Variants in AKAP9 observed in about 807,000 individuals in gnomAD.
AKAP9 encodes A-kinase anchoring protein 9.
Under a neutral mutation model 488.5 loss-of-function variants are expected in AKAP9, and 311 were observed. The ratio of observed to expected loss-of-function variants is 0.64; its 90% CI spans 0.58 to 0.70. AKAP9 has a LOEUF of 0.70. Among genes scored for constraint, AKAP9 ranks in the 30% least tolerant of loss-of-function variants. AKAP9 has a pLI of 0.00. For missense variants in AKAP9, 4,215 were observed against 4,374.5 expected (o/e 0.96, Z 1.03); for synonymous variants, 1,462 against 1,483.5 (o/e 0.99, Z 0.33).
intron 35 of AKAP9, among the ~76,000 whole-genome samples, 197 bp from the exon 36 acceptor site, chr7:92,085,298 G>T (rs576169647): frequency 3.3e-5 from 5 of 152,162 alleles, no homozygotes; most frequent in Non-Finnish European, 7.3e-5. Flanking sequence ...GGAACTTAGA[G>T]ATGAGAGCTA....
At chr7:91,952,551 G>C (rs1292610346) in intron 1 of AKAP9, among the ~76,000 whole-genome samples, 1 of 152,200 alleles carries the variant, frequency 6.6e-6, no homozygotes, top group Non-Finnish European at 1.5e-5. Context: ...CTGCCCAGGT[G>C]AGAAGGGAGT....
chr7:91,942,404 G>A (rs1790879014), intron 1 of AKAP9, among the ~76,000 whole-genome samples: 1 of 152,132 alleles, frequency 6.6e-6, no homozygotes, highest in Non-Finnish European at 1.5e-5. Context: ...CTTGTATATA[G>A]CCAGGTAAAT....
chr7:91,988,150 T>C (rs1797327787), intron 3 of AKAP9, among the ~76,000 whole-genome samples: 1 of 152,090 alleles, frequency 6.6e-6, no homozygotes, highest in South Asian at 2.1e-4. Flanking sequence ...CTCATCAATT[T>C]AGTTTTTTTG....
chr7:92,103,476 G>A (rs193125791), intron 46 of AKAP9, among the ~76,000 whole-genome samples: 1,576 of 150,194 alleles, frequency 0.01, 25 homozygotes, highest in African/African-American at 0.037. Flanking sequence ...CCGGCAGATC[G>A]TGAGGTCAGG....
chr7:92,001,466 G>T lies in AKAP9; in HGVS notation c.1549G>T (p.Gly517Ter). The change falls in exon 8 of 50, where the codon GGA becomes TGA. Residue 517 changes from glycine to a stop codon, truncating the protein, a stop_gained. Transcript: ENST00000356239. LOFTEE classifies it high-confidence loss of function. ...AAAGGAAAAACTCAAGGAAGAACTA[G>T]GACTAATTTTAGAAGAAAAGTGTGC... ...SQKEKLKEEL[G>*]LILEEKCALQ... The T allele has an allele frequency of 6.2e-7, 1 of 1,613,810 alleles. No individual in the cohort carries two copies. The highest frequency in any genetic ancestry group is 1.1e-5 in the South Asian group (1 of 91,064).
rs752325153 is a variant in AKAP9, at chr7:92,031,618, T to G, written c.4338+14T>G. On this transcript the variant is annotated intron_variant, in intron 16 of 49. Transcript: ENST00000356239. The stretch of plus-strand genomic sequence containing the variant: ...GAAGTAGCTAAGGTAGGCTTATAGC[T>G]TATCTGGAAGATTATCTTGGTTTAT... 23 of 1,560,446 alleles carry G rather than the reference T, an allele frequency of 1.5e-5. No homozygotes were observed. In the African/African-American group the frequency reaches 2.4e-4, roughly 17 times the overall value.
Position 92,086,316 on chromosome 7 carries a change from G to A in AKAP9, c.9113G>A (p.Arg3038His), listed in dbSNP as rs756856124. ...LALQQVFLEE[R>H]SVLLAAFRTE... Reference sequence around the variant, plus strand: ...CTTCAACAAGTTTTCTTAGAAGAGCGTAGTGTTTTACTAGCAGCATTTCGG... The same window carrying A: ...CTTCAACAAGTTTTCTTAGAAGAGCATAGTGTTTTACTAGCAGCATTTCGG... The change falls in exon 37 of 50, where the codon CGT becomes CAT. Residue 3038 changes from arginine to histidine, a missense_variant. By Grantham distance (29) the Arg-to-His change is conservative. This residue lies in a region of AKAP9 where 1,476 missense variants were observed against 1,477.4 expected (regional missense o/e 1.00). Coordinates refer to ENST00000356239, the MANE Select transcript of AKAP9 (RefSeq NM_005751.5). The A allele has an allele frequency of 4.9e-5, 79 of 1,614,106 alleles. No individual in the cohort carries two copies. The Admixed American group carries it at 6.0e-4, about 12-fold the overall frequency.
Position 92,066,414 on chromosome 7 carries a change from C to A in AKAP9, c.6211-13C>A. ...TTTCTTCAGCTACTATCATTATTGTCATTAAACTTTAGGAGCAAGCCATTG... is the reference window on the plus strand; with the variant it reads ...TTTCTTCAGCTACTATCATTATTGTAATTAAACTTTAGGAGCAAGCCATTG... On this transcript the variant is annotated splice_polypyrimidine_tract_variant and intron_variant, in intron 25 of 49. Transcript: ENST00000356239. 1 of 1,612,296 alleles carries A rather than the reference C, an allele frequency of 6.2e-7. No individual in the cohort carries two copies. Among genetic ancestry groups the A allele is most frequent in the South Asian group, 1.1e-5 (1 of 90,964 alleles).
At chr7:91,971,970 TG>T (rs1795139397) in intron 1 of AKAP9, among the ~76,000 whole-genome samples, 1 of 143,434 alleles carries the variant, frequency 7.0e-6, no homozygotes. Flanking sequence ...GAGTCTTTTA[TG>T]TTTTGCCTCT....
intron 45 of AKAP9, 106 bp from the exon 46 acceptor site, chr7:92,102,488 T>TACCACC (rs67203467): frequency 3.7e-5 from 20 of 540,918 alleles, no homozygotes; most frequent in African/African-American, 7.1e-5. Context: ...CTACTACTAC[T>TACCACC]ACCACCACCA....
At chr7:91,974,405 G>A (rs1407817976) in intron 2 of AKAP9, among the ~76,000 whole-genome samples, 2 of 152,164 alleles carry the variant, frequency 1.3e-5, no homozygotes, top group African/African-American at 2.4e-5. Context: ...CCAATGAACT[G>A]TCAATGAATA....
chr7:92,076,950 GA>G lies in AKAP9; in HGVS notation c.6713del (p.Lys2238ArgfsTer28). 1 of 1,575,982 alleles carries G rather than the reference GA, an allele frequency of 6.3e-7. No individual in the cohort carries two copies. Among genetic ancestry groups the G allele is most frequent in the Non-Finnish European group, 8.7e-7 (1 of 1,152,674 alleles). ...AATTACATATGCAATTAGAAATACA[GA>G]AAAAGGAATCTACTACCCGCCTACA... ...QQLHMQLEIQ[K>X]KESTTRLQEL... is the part of the protein sequence containing the mutation. On this transcript the variant is annotated frameshift_variant, in exon 29 of 50. Coordinates refer to ENST00000356239, the MANE Select transcript of AKAP9 (RefSeq NM_005751.5). LOFTEE classifies it high-confidence loss of function.
intron 3 of AKAP9, among the ~76,000 whole-genome samples, chr7:91,990,268 A>G (rs1797594224): frequency 6.6e-6 from 1 of 152,134 alleles, no homozygotes; most frequent in Non-Finnish European, 1.5e-5. Flanking sequence ...TTAGAAGACT[A>G]ATGTTAGAAG....
In AKAP9 at chr7:92,001,602, A is replaced by C. The variant is rs145033147; in HGVS notation, c.1685A>C (p.His562Pro). The C allele has an allele frequency of 1.2e-6, 2 of 1,613,792 alleles. No individual in the cohort carries two copies. The highest frequency in any genetic ancestry group is 2.7e-5 in the African/African-American group (2 of 74,932). Reference sequence around the variant, plus strand: ...CAAGAAAGTAAACTTAATGAAGCACATAAGTCCCTTAGTACAGTGGAAGAT... The same window carrying C: ...CAAGAAAGTAAACTTAATGAAGCACCTAAGTCCCTTAGTACAGTGGAAGAT... ...AEQESKLNEA[H>P]KSLSTVEDLK... The change falls in exon 8 of 50, where the codon CAT becomes CCT. Residue 562 changes from histidine (H) to proline (P), a missense_variant. By Grantham distance (77) the His-to-Pro change is moderately conservative. Transcript: ENST00000356239.
At chr7:92,102,448 T>TTACTACTACTAC (rs11276778) in intron 45 of AKAP9, 146 bp from the exon 46 acceptor site, 10,136 of 594,170 alleles carry the variant, frequency 0.017, 76 homozygotes, top group East Asian at 0.054. Flanking sequence ...CGTTTTACTA[T>TTACTACTACTAC]TACTACTACT....
chr7:91,990,737 T>C (rs1049311012), intron 3 of AKAP9, among the ~76,000 whole-genome samples: 14 of 152,222 alleles, frequency 9.2e-5, no homozygotes, highest in African/African-American at 3.4e-4. Flanking sequence ...AACTGATTCA[T>C]GTAATACTGA....
intron 21 of AKAP9, 34 bp downstream of exon 21, chr7:92,045,247 T>A: frequency 6.3e-7 from 1 of 1,591,538 alleles, no homozygotes; most frequent in Non-Finnish European, 8.6e-7. Context: ...AACAATCATT[T>A]CAACAAATCT....
chr7:92,018,419 C>A (rs1282027952), intron 12 of AKAP9, among the ~76,000 whole-genome samples: 2 of 128,298 alleles, frequency 1.6e-5, no homozygotes, highest in Non-Finnish European at 3.3e-5. Context: ...CACACACACA[C>A]ACACACACAC....
intron 1 of AKAP9, among the ~76,000 whole-genome samples, chr7:91,972,729 C>T (rs1011687568): frequency 3.3e-5 from 5 of 152,026 alleles, no homozygotes; most frequent in Non-Finnish European, 5.9e-5. Context: ...GTTTTTGTAC[C>T]GACCTAATGG....
Sources: gnomAD v4.1 joint callset for allele counts (sites outside exome capture counted in the v4.1 genomes callset) on GRCh38, gnomAD v4.1.1 for gene constraint, gnomAD v4.1.1 regional missense constraint, MANE v1.5 for transcripts, NCBI Gene and HGNC (gene_info 2026-07-23, HGNC 2026-07-21) for gene names.